Variants in BBS9 observed in about 807,000 individuals in gnomAD.
BBS9 encodes the protein protein PTHB1.
A neutral mutation model predicts 117.7 loss-of-function variants in BBS9; 89 were observed. That is an observed-to-expected ratio of 0.76 (90% CI 0.64 to 0.90). The LOEUF is 0.90. Ranked by LOEUF, BBS9 falls within the 40% of genes least tolerant of loss-of-function variation. The pLI, the probability that BBS9 is intolerant of heterozygous loss-of-function variation, is 0.00. For synonymous variants in BBS9, 379 were observed against 370.9 expected (o/e 1.02, Z -0.25); for missense variants, 982 against 1,042.2 (o/e 0.94, Z 0.80).
intron 9 of BBS9, among the ~76,000 whole-genome samples, chr7:33,326,289 G>A (rs1316376175): frequency 6.7e-6 from 1 of 149,674 alleles, no homozygotes; most frequent in Admixed American, 6.7e-5. Context: ...CCACCTCTAG[G>A]CTTGCAGTGA....
chr7:33,234,914 T>C (rs1793194684), intron 5 of BBS9, among the ~76,000 whole-genome samples: 2 of 152,032 alleles, frequency 1.3e-5, no homozygotes. Flanking sequence ...TTTGTTTGAA[T>C]GGAAGGTAGT....
At chr7:33,376,251 T>G (rs986751432) in intron 17 of BBS9, among the ~76,000 whole-genome samples, 1 of 152,154 alleles carries the variant, frequency 6.6e-6, no homozygotes, top group Non-Finnish European at 1.5e-5. Flanking sequence ...TTCTCATTAT[T>G]TAGCTCCTAC....
At chr7:33,293,390 CGGAAAAAA>C (rs1804487333) in intron 9 of BBS9, among the ~76,000 whole-genome samples, 1 of 151,476 alleles carries the variant, frequency 6.6e-6, no homozygotes, top group Admixed American at 6.6e-5. Flanking sequence ...CTCACAGACA[CGGAAAAAA>C]GGATCTGTAA....
At chr7:33,585,976 T>C (rs1288522591) in intron 21 of BBS9, among the ~76,000 whole-genome samples, 1 of 152,080 alleles carries the variant, frequency 6.6e-6, no homozygotes, top group Non-Finnish European at 1.5e-5. Context: ...TCATTTATTA[T>C]AATAACTGCC....
intron 20 of BBS9, among the ~76,000 whole-genome samples, chr7:33,527,484 A>G (rs1035656672): frequency 6.6e-6 from 1 of 152,152 alleles, no homozygotes; most frequent in African/African-American, 2.4e-5. Context: ...GAAAAGCGCA[A>G]TATTCGGGTG....
intron 9 of BBS9, among the ~76,000 whole-genome samples, chr7:33,275,206 T>A (rs1294413449): frequency 6.6e-6 from 1 of 152,170 alleles, no homozygotes; most frequent in Non-Finnish European, 1.5e-5. Context: ...TTGAATATTT[T>A]AAAAAGAAGT....
rs533867232 is a variant in BBS9 at position 33,269,462 on chromosome 7, A to G, written c.703-3550A>G. 3.9e-5 allele frequency among the ~76,000 whole-genome samples: 6 copies of G among 152,290 alleles called. No individual in the cohort carries two copies. In the South Asian group the frequency reaches 1.0e-3, roughly 26 times the overall value. ...CTGCATCTCTCTTGGGTGAAGCCCC[A>G]GGAGACAAGACCCTTGGCTCCAACC... On this transcript the variant is annotated intron_variant, in intron 7 of 22. Transcript: ENST00000242067.
rs187418193 is a variant in BBS9, at chr7:33,406,803, C to T, written c.2115+18659C>T. Among the ~76,000 whole-genome samples, 961 of 150,688 alleles carry T rather than the reference C, an allele frequency of 6.4e-3. 9 individuals carry two copies. The highest frequency in any genetic ancestry group is 0.021 in the African/African-American group (888 of 41,330). On this transcript the variant is annotated intron_variant, in intron 19 of 22. Coordinates refer to ENST00000242067, the MANE Select transcript of BBS9 (RefSeq NM_198428.3). ...CTTGTAGAGTTTCCGCCAAGAGATC[C>T]GCTGTTAGTCTGATGGGCTTCCCTT...
intron 19 of BBS9, among the ~76,000 whole-genome samples, chr7:33,450,925 G>A (rs1001874989): frequency 6.7e-6 from 1 of 149,206 alleles, no homozygotes; most frequent in African/African-American, 2.5e-5. Flanking sequence ...GTCTTGCTCT[G>A]TTGCCCAGGC....
chr7:33,134,887 C>T (rs1292975047), intron 1 of BBS9, among the ~76,000 whole-genome samples: 2 of 152,180 alleles, frequency 1.3e-5, no homozygotes, highest in African/African-American at 4.8e-5. Flanking sequence ...TCAGCCACTG[C>T]ACCTGGCTTT....
intron 10 of BBS9, among the ~76,000 whole-genome samples, chr7:33,339,071 C>T (rs1815978668): frequency 6.6e-6 from 1 of 152,186 alleles, no homozygotes; most frequent in South Asian, 2.1e-4. Context: ...GGCTACATGT[C>T]ACAAGATACC....
intron 6 of BBS9, among the ~76,000 whole-genome samples, chr7:33,261,273 A>T (rs1045248263): frequency 6.6e-6 from 1 of 152,178 alleles, no homozygotes; most frequent in South Asian, 2.1e-4. Flanking sequence ...CACTGATAGT[A>T]AACATTTGTT....
intron 5 of BBS9, among the ~76,000 whole-genome samples, chr7:33,248,187 A>G (rs962800825): frequency 6.6e-6 from 1 of 152,198 alleles, no homozygotes; most frequent in Non-Finnish European, 1.5e-5. Flanking sequence ...ATAGTTGAGA[A>G]TTTGTGTAAC....
intron 19 of BBS9, among the ~76,000 whole-genome samples, chr7:33,398,300 C>G (rs1225057174): frequency 1.3e-5 from 2 of 152,164 alleles, no homozygotes; most frequent in African/African-American, 4.8e-5. Flanking sequence ...TGTCTATACC[C>G]TATGAACTTG....
intron 19 of BBS9, among the ~76,000 whole-genome samples, chr7:33,498,952 C>A (rs956825263): frequency 3.9e-5 from 6 of 152,190 alleles, no homozygotes; most frequent in Admixed American, 6.5e-5. Context: ...TTTAACACAG[C>A]AGCTGTACTG....
At chr7:33,342,406 G>T (rs543532622) in intron 11 of BBS9, among the ~76,000 whole-genome samples, 2 of 152,060 alleles carry the variant, frequency 1.3e-5, no homozygotes, top group South Asian at 2.1e-4. Flanking sequence ...TTTCCTTTGG[G>T]CAACTTATAT....
chr7:33,551,563 C>T (rs1434873069), intron 21 of BBS9, among the ~76,000 whole-genome samples: 1 of 152,070 alleles, frequency 6.6e-6, no homozygotes, highest in South Asian at 2.1e-4. Flanking sequence ...ATATACCAGC[C>T]AAGACTGAGA....
At chr7:33,567,277 T>G (rs914530856) in intron 21 of BBS9, among the ~76,000 whole-genome samples, 1 of 152,072 alleles carries the variant, frequency 6.6e-6, no homozygotes, top group Non-Finnish European at 1.5e-5. Flanking sequence ...AACTCAGCAG[T>G]CTCTCTCTTC....
intron 5 of BBS9, among the ~76,000 whole-genome samples, chr7:33,199,508 C>G (rs1785483031): frequency 6.6e-6 from 1 of 151,198 alleles, no homozygotes; most frequent in Non-Finnish European, 1.5e-5. Context: ...TAGTTGAGCT[C>G]TTTGTATTTA....
Sources: gnomAD v4.1 joint callset for allele counts (sites outside exome capture counted in the v4.1 genomes callset) on GRCh38, gnomAD v4.1.1 for gene constraint, MANE v1.5 for transcripts, NCBI Gene and HGNC (gene_info 2026-07-23, HGNC 2026-07-21) for gene names.